LRRTM3: variants seen among roughly 807,000 people sequenced by gnomAD.
LRRTM3 encodes the protein leucine rich repeat transmembrane neuronal 3.
A neutral mutation model predicts 44.7 loss-of-function variants in LRRTM3; 24 were observed. That is an observed-to-expected ratio of 0.54 (90% CI 0.39 to 0.76). The LOEUF (loss-of-function observed/expected upper bound fraction) is 0.76, where lower values mean the gene tolerates loss of function less well. Ranked by LOEUF, LRRTM3 falls within the 30% of genes least tolerant of loss-of-function variation. The pLI is 0.00. For synonymous variants in LRRTM3, 277 were observed against 278.7 expected (o/e 0.99, Z 0.06); for missense variants, 587 against 702.2 (o/e 0.84, Z 1.85).
chr10:67,088,053 T>C (rs915158511), intron 2 of LRRTM3, among the ~76,000 whole-genome samples: 3 of 151,782 alleles, frequency 2.0e-5, no homozygotes, highest in Non-Finnish European at 2.9e-5. Flanking sequence ...GGAAATACCA[T>C]GATAATTTAA....
At chr10:67,071,584 T>C (rs536517723) in intron 2 of LRRTM3, among the ~76,000 whole-genome samples, 49 of 152,204 alleles carry the variant, frequency 3.2e-4, no homozygotes, top group African/African-American at 1.1e-3. Context: ...AATGTCCCTA[T>C]GAATGTTTTT....
At chr10:67,088,129 G>T (rs1287601707) in intron 2 of LRRTM3, among the ~76,000 whole-genome samples, 2 of 151,510 alleles carry the variant, frequency 1.3e-5, no homozygotes, top group African/African-American at 4.8e-5. Context: ...AAAATTGAGA[G>T]ATGCCAAATG....
At chr10:66,961,730 T>C (rs1343720007) in intron 2 of LRRTM3, among the ~76,000 whole-genome samples, 1 of 152,144 alleles carries the variant, frequency 6.6e-6, no homozygotes, top group Admixed American at 6.5e-5. Context: ...ATATTAAGTT[T>C]GAAATGTCTA....
chr10:67,042,924 C>A (rs139174381), intron 2 of LRRTM3, among the ~76,000 whole-genome samples: 1 of 151,944 alleles, frequency 6.6e-6, no homozygotes, highest in Non-Finnish European at 1.5e-5. Context: ...TGAATATATT[C>A]GAACGCTATA....
intron 2 of LRRTM3, among the ~76,000 whole-genome samples, chr10:66,950,455 A>T (rs2132718283): frequency 6.6e-6 from 1 of 152,234 alleles, no homozygotes. Context: ...TGAATACATG[A>T]ATGTCACACT....
intron 2 of LRRTM3, among the ~76,000 whole-genome samples, chr10:67,090,751 C>T (rs1292700125): frequency 1.3e-5 from 2 of 152,004 alleles, no homozygotes; most frequent in African/African-American, 4.8e-5. Context: ...CATCAACTGA[C>T]AGACGCAACA....
intron 2 of LRRTM3, among the ~76,000 whole-genome samples, chr10:67,078,229 G>C (rs951713827): frequency 6.6e-6 from 1 of 152,152 alleles, no homozygotes; most frequent in Non-Finnish European, 1.5e-5. Flanking sequence ...GGCATGAAGA[G>C]TGATCTTCCC....
chr10:66,989,621 G>A (rs1850931617), intron 2 of LRRTM3, among the ~76,000 whole-genome samples: 1 of 152,080 alleles, frequency 6.6e-6, no homozygotes, highest in Non-Finnish European at 1.5e-5. Context: ...TATACATACT[G>A]AAAGAACTTT....
At chr10:67,073,110 G>A (rs779398304) in intron 2 of LRRTM3, among the ~76,000 whole-genome samples, 4 of 152,162 alleles carry the variant, frequency 2.6e-5, no homozygotes, top group Non-Finnish European at 4.4e-5. Flanking sequence ...ATACATGCAT[G>A]CCTTGGAATA....
At chr10:66,986,718 G>T (rs1850748546) in intron 2 of LRRTM3, among the ~76,000 whole-genome samples, 1 of 152,062 alleles carries the variant, frequency 6.6e-6, no homozygotes, top group Non-Finnish European at 1.5e-5. Flanking sequence ...GGCTAATCAG[G>T]TTGATTTATC....
At chr10:67,056,098 T>C (rs917956640) in intron 2 of LRRTM3, among the ~76,000 whole-genome samples, 3 of 152,144 alleles carry the variant, frequency 2.0e-5, no homozygotes, top group Non-Finnish European at 4.4e-5. Flanking sequence ...CACGTTTTTA[T>C]GTCCTCTGAG....
intron 2 of LRRTM3, among the ~76,000 whole-genome samples, chr10:67,020,207 C>A (rs552363148): frequency 6.6e-6 from 1 of 152,196 alleles, no homozygotes; most frequent in South Asian, 2.1e-4. Flanking sequence ...TCAATCTAAG[C>A]CAATCTTTAA....
chr10:66,931,679 T>C lies in LRRTM3; in HGVS notation c.1536+3227T>C, dbSNP rs184672528. Among the ~76,000 whole-genome samples, 20 of 151,818 alleles carry C rather than the reference T, an allele frequency of 1.3e-4. 1 individual carries two copies. The highest frequency in any genetic ancestry group is 2.4e-4 in the Non-Finnish European group (16 of 68,030). ...TCAGATTTGAATTTTATTTAATTCA[T>C]TTCCTTGGGAAATATAATTATAATG... On this transcript the variant is annotated intron_variant, in intron 2 of 2. Coordinates refer to ENST00000361320, the MANE Select transcript of LRRTM3 (RefSeq NM_178011.5).
At chr10:67,004,427 T>C (rs1851858356) in intron 2 of LRRTM3, among the ~76,000 whole-genome samples, 1 of 152,222 alleles carries the variant, frequency 6.6e-6, no homozygotes, top group South Asian at 2.1e-4. Flanking sequence ...ATGACACATG[T>C]AAGGACAGCC....
intron 2 of LRRTM3, among the ~76,000 whole-genome samples, chr10:66,967,287 GATAGAT>G (rs1038868335): frequency 5.9e-5 from 9 of 151,326 alleles, no homozygotes; most frequent in East Asian, 1.9e-4. Context: ...TCTGCTAGTG[GATAGAT>G]ATAGATATAG....
chr10:67,081,939 G>A (rs1184324341), intron 2 of LRRTM3, among the ~76,000 whole-genome samples: 1 of 152,076 alleles, frequency 6.6e-6, no homozygotes, highest in East Asian at 1.9e-4. Context: ...TAAAGACTTA[G>A]AGCTCCTTGA....
At chr10:66,956,083 A>G (rs1161267178) in intron 2 of LRRTM3, among the ~76,000 whole-genome samples, 3 of 152,082 alleles carry the variant, frequency 2.0e-5, no homozygotes, top group Non-Finnish European at 2.9e-5. Flanking sequence ...GTTCTTGTGC[A>G]TTTTGCAAAG....
In LRRTM3 at chr10:67,077,292, C is replaced by T. The variant is rs182880314; in HGVS notation, c.1537-20295C>T. On this transcript the variant is annotated intron_variant, in intron 2 of 2. Coordinates refer to ENST00000361320, the MANE Select transcript of LRRTM3 (RefSeq NM_178011.5). ...AATGCAAACCAGTTCTTATCACTCT[C>T]GTGCTTAAATCCTTCATTGGCTTCC... 2.7e-3 allele frequency among the ~76,000 whole-genome samples: 410 copies of T among 152,266 alleles called. 1 individual carries two copies. Among genetic ancestry groups the T allele is most frequent in the African/African-American group, 9.2e-3 (383 of 41,550 alleles).
At chr10:66,937,247 G>A (rs527485170) in intron 2 of LRRTM3, among the ~76,000 whole-genome samples, 12 of 152,016 alleles carry the variant, frequency 7.9e-5, no homozygotes, top group Non-Finnish European at 1.2e-4. Flanking sequence ...TCTCAACATC[G>A]TCATCCTAAT....
Sources: allele counts gnomAD v4.1 joint callset (sites outside exome capture counted in the v4.1 genomes callset), GRCh38; gene constraint gnomAD v4.1.1; transcripts MANE v1.5; gene names NCBI Gene and HGNC (gene_info 2026-07-23, HGNC 2026-07-21).